Variants in PTPRM observed in about 807,000 individuals in gnomAD.
PTPRM encodes receptor-type tyrosine-protein phosphatase mu.
Under a neutral mutation model 186.7 loss-of-function variants are expected in PTPRM, and 47 were observed. The ratio of observed to expected loss-of-function variants is 0.25; its 90% CI spans 0.20 to 0.32. The LOEUF is 0.32. PTPRM is among the 10% of genes least tolerant of loss of function. The pLI is 1.00. For synonymous variants in PTPRM, 668 were observed against 674.9 expected (o/e 0.99, Z 0.16); for missense variants, 1,494 against 1,865.0 (o/e 0.80, Z 3.66).
Position 7,850,049 on chromosome 18 carries a change from G to T in PTPRM, c.197-38057G>T, listed in dbSNP as rs186457702. ...CCTGTTTTACAATCATGAAATGGATGCACAGATTGAGTAACTTGTCCAGAG... is the reference window on the plus strand; with the variant it reads ...CCTGTTTTACAATCATGAAATGGATTCACAGATTGAGTAACTTGTCCAGAG... On this transcript the variant is annotated intron_variant, in intron 2 of 32. Transcript: ENST00000580170. Among the ~76,000 whole-genome samples the T allele has an allele frequency of 2.8e-3, 419 of 152,332 alleles. 4 individuals are homozygous for T. The highest frequency in any genetic ancestry group is 9.4e-3 in the African/African-American group (391 of 41,574).
intron 7 of PTPRM, among the ~76,000 whole-genome samples, chr18:7,972,441 C>A (rs1374767832): frequency 5.3e-5 from 4 of 75,686 alleles, no homozygotes; most frequent in Admixed American, 1.5e-4. Flanking sequence ...TGCACATGTA[C>A]CCTAAAACTT....
intron 2 of PTPRM, among the ~76,000 whole-genome samples, chr18:7,879,312 TC>T (rs1567958501): frequency 6.6e-6 from 1 of 152,206 alleles, no homozygotes; most frequent in Non-Finnish European, 1.5e-5. Context: ...TACAGCCACT[TC>T]TGGTTGTTAC....
At chr18:8,260,134 A>G (rs975595781) in intron 19 of PTPRM, among the ~76,000 whole-genome samples, 1 of 152,086 alleles carries the variant, frequency 6.6e-6, no homozygotes, top group Admixed American at 6.6e-5. Flanking sequence ...GGAAGTGGAC[A>G]CGAGCAGTGA....
At chr18:7,617,003 A>G (rs2037822008) in intron 1 of PTPRM, among the ~76,000 whole-genome samples, 1 of 152,168 alleles carries the variant, frequency 6.6e-6, no homozygotes, top group Admixed American at 6.5e-5. Flanking sequence ...ACAGAGAGGG[A>G]GGTTCTGCAT....
At chr18:8,214,607 A>G (rs1253645327) in intron 14 of PTPRM, among the ~76,000 whole-genome samples, 1 of 152,070 alleles carries the variant, frequency 6.6e-6, no homozygotes, top group African/African-American at 2.4e-5. Context: ...ATCCAGCCTA[A>G]GTTTTCAATA....
At position 7,990,944 on chromosome 18, in the gene PTPRM, G is replaced by A. The variant is rs149754220; in HGVS notation, c.1132+35530G>A. 9.5e-3 allele frequency among the ~76,000 whole-genome samples: 1,448 copies of A among 152,152 alleles called. 7 individuals are homozygous for A. Among genetic ancestry groups the A allele is most frequent in the South Asian group, 0.033 (160 of 4,812 alleles). On this transcript the variant is annotated intron_variant, in intron 7 of 32. Transcript: ENST00000580170. The stretch of plus-strand genomic sequence containing the variant: ...ATGAATGATTGCTATAGCTAATGGA[G>A]GTCTTGTGAAAATGATTCAGATTAA...
chr18:8,046,559 G>A (rs140635656), intron 7 of PTPRM, among the ~76,000 whole-genome samples: 8 of 152,138 alleles, frequency 5.3e-5, no homozygotes, highest in South Asian at 2.1e-4. Flanking sequence ...GGGAGGGAGC[G>A]GTCAGGGACG....
At chr18:8,152,257 C>A (rs1161918936) in intron 14 of PTPRM, among the ~76,000 whole-genome samples, 1 of 152,124 alleles carries the variant, frequency 6.6e-6, no homozygotes, top group African/African-American at 2.4e-5. Flanking sequence ...GAGCTGAAGC[C>A]ATAGGTTTGG....
At chr18:7,600,232 G>A (rs1407667299) in intron 1 of PTPRM, among the ~76,000 whole-genome samples, 2 of 152,140 alleles carry the variant, frequency 1.3e-5, no homozygotes, top group Non-Finnish European at 2.9e-5. Context: ...AGTCTGTTGC[G>A]AGGACCAAAT....
chr18:8,086,261 T>C (rs2090429218), intron 10 of PTPRM, among the ~76,000 whole-genome samples: 1 of 152,140 alleles, frequency 6.6e-6, no homozygotes, highest in African/African-American at 2.4e-5. Flanking sequence ...GTCTGCTTCC[T>C]GAAGGATCAG....
intron 32 of PTPRM, among the ~76,000 whole-genome samples, chr18:8,397,387 G>T (rs1346515474): frequency 6.6e-6 from 1 of 152,230 alleles, no homozygotes; most frequent in Non-Finnish European, 1.5e-5. Flanking sequence ...GTCGGTTCGT[G>T]TTGAAGCATG....
intron 2 of PTPRM, among the ~76,000 whole-genome samples, chr18:7,874,354 CTA>C (rs1272004673): frequency 1.3e-5 from 2 of 152,064 alleles, no homozygotes; most frequent in Non-Finnish European, 2.9e-5. Context: ...AACTGGGTCT[CTA>C]TGTAAACAAA....
chr18:8,102,223 TA>T (rs1458586541), intron 11 of PTPRM, among the ~76,000 whole-genome samples: 11 of 152,232 alleles, frequency 7.2e-5, no homozygotes, highest in African/African-American at 2.7e-4. Context: ...GGTTGCTGAC[TA>T]ATCAGGGTGG....
intron 1 of PTPRM, among the ~76,000 whole-genome samples, chr18:7,699,508 A>G (rs1427999329): frequency 6.6e-6 from 1 of 152,086 alleles, no homozygotes; most frequent in Non-Finnish European, 1.5e-5. Flanking sequence ...TCCCAGGTTC[A>G]AGTGATTCTC....
At chr18:7,751,845 A>G (rs558418768) in intron 1 of PTPRM, among the ~76,000 whole-genome samples, 3 of 147,806 alleles carry the variant, frequency 2.0e-5, no homozygotes, top group East Asian at 3.9e-4. Context: ...AATTTTCCAC[A>G]TACCTTCCTC....
intron 1 of PTPRM, among the ~76,000 whole-genome samples, chr18:7,710,751 A>G (rs1460621707): frequency 6.6e-6 from 1 of 152,222 alleles, no homozygotes; most frequent in Non-Finnish European, 1.5e-5. Context: ...ATATAGCAAC[A>G]ATGATCAAGC....
intron 23 of PTPRM, among the ~76,000 whole-genome samples, chr18:8,348,361 T>C (rs606899): frequency 0.99 from 150,421 of 152,356 alleles, 74,291 homozygotes; most frequent in East Asian, 1. Context: ...GCAGAAGACA[T>C]AGATGCTGCA....
chr18:7,610,915 A>T (rs1315558562), intron 1 of PTPRM, among the ~76,000 whole-genome samples: 1 of 152,172 alleles, frequency 6.6e-6, no homozygotes, highest in Non-Finnish European at 1.5e-5. Context: ...AGGCGTTGTT[A>T]TTCTGGGAGA....
intron 2 of PTPRM, among the ~76,000 whole-genome samples, chr18:7,825,842 G>T (rs766565777): frequency 1.3e-5 from 2 of 152,188 alleles, no homozygotes; most frequent in Non-Finnish European, 2.9e-5. Context: ...AATTCCTGAC[G>T]TCTTGAAGCT....
Sources: gnomAD v4.1 joint callset for allele counts (sites outside exome capture counted in the v4.1 genomes callset) on GRCh38, gnomAD v4.1.1 for gene constraint, MANE v1.5 for transcripts, NCBI Gene and HGNC (gene_info 2026-07-23, HGNC 2026-07-21) for gene names.